TENM2: variants seen among roughly 807,000 people sequenced by gnomAD.
TENM2 encodes the protein teneurin-2.
A neutral mutation model predicts 245.2 loss-of-function variants in TENM2; 52 were observed. That is an observed-to-expected ratio of 0.21 (90% CI 0.17 to 0.27). TENM2 has a LOEUF of 0.27. Ranked by LOEUF, TENM2 falls within the 10% of genes least tolerant of loss-of-function variation. The pLI, the probability that TENM2 is intolerant of heterozygous loss-of-function variation, is 1.00. For missense variants in TENM2, 3,046 were observed against 3,666.8 expected (o/e 0.83, Z 4.37); for synonymous variants, 1,363 against 1,438.9 (o/e 0.95, Z 1.19).
chr5:167,451,848 A>G (rs1765606118), intron 2 of TENM2, among the ~76,000 whole-genome samples: 1 of 152,006 alleles, frequency 6.6e-6, no homozygotes, highest in Admixed American at 6.6e-5. Context: ...ACAGGGTTTC[A>G]CAGTGTTAGC....
At chr5:167,445,887 C>A (rs541741409) in intron 2 of TENM2, among the ~76,000 whole-genome samples, 1 of 152,234 alleles carries the variant, frequency 6.6e-6, no homozygotes, top group African/African-American at 2.4e-5. Flanking sequence ...TGACCACAGT[C>A]TGTTCAGTCT....
intron 12 of TENM2, among the ~76,000 whole-genome samples, chr5:168,135,750 C>T (rs769506271): frequency 4.6e-5 from 7 of 152,048 alleles, no homozygotes; most frequent in Non-Finnish European, 1.0e-4. Flanking sequence ...GTAAAGTGTT[C>T]GTTTTTAAAA....
Position 168,067,844 on chromosome 5 carries a change from G to C in TENM2, c.1515+5579G>C, listed in dbSNP as rs184023446. Among the ~76,000 whole-genome samples, 4 of 152,296 alleles carry C rather than the reference G, an allele frequency of 2.6e-5. No homozygotes were observed. In the East Asian group the frequency reaches 7.7e-4, roughly 29 times the overall value. On this transcript the variant is annotated intron_variant, in intron 7 of 28. Coordinates refer to ENST00000518659, the Ensembl canonical transcript of TENM2. ...GTGGAGGCAATGCCAGGGTTTGGCT[G>C]TCAGCTTGCATAGCACATCAAATCG...
At chr5:167,963,952 T>G (rs571986058) in intron 4 of TENM2, among the ~76,000 whole-genome samples, 1 of 152,306 alleles carries the variant, frequency 6.6e-6, no homozygotes, top group South Asian at 2.1e-4. Flanking sequence ...CCAAAAGCAG[T>G]CTATTCATGT....
At chr5:167,188,021 C>G in the TENM2 span, among the ~76,000 whole-genome samples, 1 of 152,130 alleles carries the variant, frequency 6.6e-6, no homozygotes, top group South Asian at 2.1e-4. Flanking sequence ...TGATTAGTCA[C>G]TAATCTTCCA....
the TENM2 span, among the ~76,000 whole-genome samples, chr5:167,237,710 A>G: frequency 6.6e-6 from 1 of 152,114 alleles, no homozygotes; most frequent in Admixed American, 6.5e-5. Flanking sequence ...AGGAGAACAA[A>G]TACTATTTTA....
intron 3 of TENM2, among the ~76,000 whole-genome samples, chr5:167,936,865 T>G (rs1273677389): frequency 6.6e-6 from 1 of 152,228 alleles, no homozygotes; most frequent in Non-Finnish European, 1.5e-5. Context: ...TACAGTTTTG[T>G]CTTCTTGAGG....
the TENM2 span, among the ~76,000 whole-genome samples, chr5:167,063,077 A>G: frequency 6.6e-6 from 1 of 152,244 alleles, no homozygotes; most frequent in Non-Finnish European, 1.5e-5. Context: ...CAATTGGTGG[A>G]CACATTGTAA....
chr5:167,130,050 G>T, the TENM2 span, among the ~76,000 whole-genome samples: 1 of 152,140 alleles, frequency 6.6e-6, no homozygotes, highest in Non-Finnish European at 1.5e-5. Flanking sequence ...ATGGGATTTT[G>T]AATTTTCTTG....
intron 23 of TENM2, among the ~76,000 whole-genome samples, chr5:168,220,249 C>A (rs1238570042): frequency 6.6e-6 from 1 of 152,144 alleles, no homozygotes; most frequent in Non-Finnish European, 1.5e-5. Context: ...ACAGTTTCAA[C>A]CAAAGACCTA....
intron 3 of TENM2, among the ~76,000 whole-genome samples, chr5:167,877,709 A>G (rs1773545118): frequency 6.6e-6 from 1 of 152,260 alleles, no homozygotes; most frequent in Non-Finnish European, 1.5e-5. Context: ...TTCTTCAAAT[A>G]TGATGTTAAC....
intron 2 of TENM2, among the ~76,000 whole-genome samples, chr5:167,705,995 ATTTATTTATT>A (rs1561690733): frequency 5.0e-4 from 62 of 125,194 alleles, no homozygotes; most frequent in African/African-American, 2.3e-3. Flanking sequence ...ATATATATTT[ATTTATTTATT>A]TATTTACTTA....
At chr5:168,239,726 T>G (rs1207886555) in intron 25 of TENM2, among the ~76,000 whole-genome samples, 1 of 152,228 alleles carries the variant, frequency 6.6e-6, no homozygotes, top group Non-Finnish European at 1.5e-5. Flanking sequence ...TATTTACATG[T>G]TGGTCTTTCC....
chr5:167,795,381 C>T (rs768756194), intron 2 of TENM2, among the ~76,000 whole-genome samples: 1 of 152,154 alleles, frequency 6.6e-6, no homozygotes, highest in African/African-American at 2.4e-5. Flanking sequence ...TTCCCCCTAA[C>T]ATCCTGAGAA....
At chr5:168,184,717 A>C (rs1760233726) in intron 13 of TENM2, among the ~76,000 whole-genome samples, 1 of 152,198 alleles carries the variant, frequency 6.6e-6, no homozygotes, top group Admixed American at 6.5e-5. Flanking sequence ...CCAGATGCTT[A>C]TTGTGGCTGC....
At chr5:168,245,526 C>T (rs966074093) in intron 26 of TENM2, among the ~76,000 whole-genome samples, 5 of 149,524 alleles carry the variant, frequency 3.3e-5, no homozygotes, top group Non-Finnish European at 7.4e-5. Flanking sequence ...CTGAAAGTGC[C>T]AAATTCAGGT....
At chr5:167,699,626 A>G (rs1236475238) in intron 2 of TENM2, among the ~76,000 whole-genome samples, 3 of 152,220 alleles carry the variant, frequency 2.0e-5, no homozygotes, top group Admixed American at 6.5e-5. Context: ...TATCTTTGTA[A>G]GAATTCTGAA....
chr5:167,151,459 C>T, the TENM2 span, among the ~76,000 whole-genome samples: 2 of 152,280 alleles, frequency 1.3e-5, no homozygotes, highest in East Asian at 1.9e-4. Context: ...GTTACAACTA[C>T]GTGTGAGAAA....
intron 23 of TENM2, 136 bp from the exon 26 acceptor site, chr5:168,225,952 A>AG (rs1439634686): frequency 1.9e-5 from 13 of 668,820 alleles, no homozygotes; most frequent in Middle Eastern, 8.3e-4. Context: ...GACTGTGACG[A>AG]GGGGCCTCAG....
Sources: gnomAD v4.1 joint callset for allele counts (sites outside exome capture counted in the v4.1 genomes callset) on GRCh38, gnomAD v4.1.1 for gene constraint, MANE v1.5 for transcripts, NCBI Gene and HGNC (gene_info 2026-07-23, HGNC 2026-07-21) for gene names.